Variants in PARD3B observed in about 807,000 individuals in gnomAD.
The protein encoded by PARD3B is partitioning defective 3 homolog B.
Under a neutral mutation model 130.2 loss-of-function variants are expected in PARD3B, and 103 were observed. The observed-to-expected ratio is 0.79, with a 90% CI of 0.67 to 0.93. PARD3B has a LOEUF of 0.93. PARD3B is among the 40% of genes least tolerant of loss of function. The pLI, the probability that PARD3B is intolerant of heterozygous loss-of-function variation, is 0.00. For synonymous variants in PARD3B, 583 were observed against 553.2 expected, an observed-to-expected ratio of 1.05 and a Z score of -0.76; for missense variants, 1,609 against 1,499.2, an observed-to-expected ratio of 1.07 and a Z score of -1.21.
At chr2:205,389,267 C>T (rs1375635454) in intron 18 of PARD3B, among the ~76,000 whole-genome samples, 1 of 152,144 alleles carries the variant, frequency 6.6e-6, no homozygotes, top group Non-Finnish European at 1.5e-5. Flanking sequence ...CCTTGCCTTA[C>T]AAACTAAGTT....
intron 4 of PARD3B, among the ~76,000 whole-genome samples, chr2:205,077,725 G>GATAT (rs142004646): frequency 1.3e-5 from 2 of 151,214 alleles, no homozygotes; most frequent in African/African-American, 2.4e-5. Context: ...GGACGTCTGG[G>GATAT]ATATATATAT....
At chr2:204,905,824 G>A in intron 2 of PARD3B, among the ~76,000 whole-genome samples, 1 of 152,140 alleles carries the variant, frequency 6.6e-6, no homozygotes, top group Non-Finnish European at 1.5e-5. Flanking sequence ...GGGTTAGTCG[G>A]GGGAAAATGA....
chr2:205,137,660 TG>T (rs1187380397), intron 10 of PARD3B, among the ~76,000 whole-genome samples: 19 of 152,350 alleles, frequency 1.2e-4, no homozygotes, highest in African/African-American at 4.6e-4. Context: ...GACTTATGCA[TG>T]GAGCTGCATT....
intron 2 of PARD3B, among the ~76,000 whole-genome samples, chr2:204,850,741 T>C (rs1051410618): frequency 1.3e-5 from 2 of 152,168 alleles, no homozygotes; most frequent in Non-Finnish European, 2.9e-5. Context: ...TGCTGAAACA[T>C]GTGACTGCCT....
chr2:205,583,396 TGTGTGC>T (rs992525635), intron 22 of PARD3B, among the ~76,000 whole-genome samples: 29 of 71,294 alleles, frequency 4.1e-4, no homozygotes, highest in African/African-American at 1.1e-3. Flanking sequence ...TGTGTGTGTG[TGTGTGC>T]GCGCGCACGC....
chr2:205,252,060 C>CA (rs35497389), intron 16 of PARD3B, among the ~76,000 whole-genome samples: 6 of 151,366 alleles, frequency 4.0e-5, no homozygotes, highest in South Asian at 2.1e-4. Context: ...TCCACATTTG[C>CA]AAAAAAAATT....
chr2:204,732,543 C>T (rs1358977769), intron 2 of PARD3B, among the ~76,000 whole-genome samples: 4 of 145,494 alleles, frequency 2.7e-5, no homozygotes, highest in African/African-American at 7.6e-5. Context: ...CTCGCTCTGT[C>T]GCCCAGGCTG....
intron 15 of PARD3B, among the ~76,000 whole-genome samples, chr2:205,202,154 T>C (rs888921753): frequency 2.0e-5 from 3 of 152,198 alleles, no homozygotes; most frequent in Admixed American, 1.3e-4. Context: ...TTTTAGATGA[T>C]TGCTACATTT....
chr2:205,597,247 G>A (rs1174993732), intron 22 of PARD3B, among the ~76,000 whole-genome samples: 2 of 152,030 alleles, frequency 1.3e-5, no homozygotes, highest in Non-Finnish European at 2.9e-5. Flanking sequence ...TCAATGTTTA[G>A]CTCCCACTTA....
rs2041663671 is a variant in PARD3B at position 205,292,991 on chromosome 2, A to G, written c.2186-7539A>G. Among the ~76,000 whole-genome samples the G allele has an allele frequency of 6.6e-6, 1 of 152,222 alleles. No individual in the cohort carries two copies. The highest frequency in any genetic ancestry group is 1.5e-5 in the Non-Finnish European group (1 of 68,032). ...TATTTATAAAGAAATTGTTATTCAT[A>G]TGAACATGAAACTGAAAAACCTCAC... On this transcript the variant is annotated intron_variant, in intron 16 of 22. Transcript: ENST00000406610. This position sits in a 1 kb window ranked among gnomAD's most constrained non-coding sequence, Gnocchi z 5.3.
At chr2:204,681,887 G>T (rs2036851983) in intron 1 of PARD3B, among the ~76,000 whole-genome samples, 1 of 152,142 alleles carries the variant, frequency 6.6e-6, no homozygotes, top group Admixed American at 6.5e-5. Flanking sequence ...CTAATTTCTG[G>T]TGCTTCAAAC....
chr2:204,558,447 T>C (rs1475201995), intron 1 of PARD3B, among the ~76,000 whole-genome samples: 1 of 152,052 alleles, frequency 6.6e-6, no homozygotes, highest in Non-Finnish European at 1.5e-5. Context: ...TCACAATTGC[T>C]AAAAAGGGAA....
chr2:205,495,365 A>G (rs771741000), intron 20 of PARD3B, among the ~76,000 whole-genome samples: 4 of 152,172 alleles, frequency 2.6e-5, no homozygotes, highest in Non-Finnish European at 5.9e-5. Flanking sequence ...TTGATCACCT[A>G]TATAGGGATA....
At chr2:205,252,439 T>C (rs1472189179) in intron 16 of PARD3B, among the ~76,000 whole-genome samples, 1 of 152,142 alleles carries the variant, frequency 6.6e-6, no homozygotes, top group African/African-American at 2.4e-5. Flanking sequence ...TGCAAAAACC[T>C]CACAGAGGAA....
At chr2:204,640,926 T>C (rs944964543) in intron 1 of PARD3B, among the ~76,000 whole-genome samples, 17 of 148,024 alleles carry the variant, frequency 1.1e-4, no homozygotes, top group South Asian at 6.3e-4. Flanking sequence ...TTACTATATA[T>C]AATGTATATT....
At chr2:205,167,431 C>G (rs912252179) in intron 11 of PARD3B, among the ~76,000 whole-genome samples, 2 of 152,006 alleles carry the variant, frequency 1.3e-5, no homozygotes, top group African/African-American at 4.8e-5. Context: ...TCTAAGAACC[C>G]ATAAAGGCTA....
At chr2:204,680,313 C>T (rs536768236) in intron 1 of PARD3B, among the ~76,000 whole-genome samples, 40 of 151,868 alleles carry the variant, frequency 2.6e-4, no homozygotes, top group African/African-American at 3.9e-4. Flanking sequence ...TTGTATTTTT[C>T]GAAGAATTCG....
At chr2:205,130,108 A>C (rs1406743432) in intron 10 of PARD3B, among the ~76,000 whole-genome samples, 1 of 152,210 alleles carries the variant, frequency 6.6e-6, no homozygotes, top group Non-Finnish European at 1.5e-5. Flanking sequence ...TTTCAAAGAT[A>C]ATCTTTCCAG....
At position 205,301,552 on chromosome 2, in the gene PARD3B, G is replaced by A; in HGVS notation, c.2481G>A (p.Met827Ile). Residue 827 changes from methionine to isoleucine, a missense_variant, in exon 18 of 23, where the codon ATG (methionine) becomes ATA (isoleucine). Met to Ile is a conservative substitution (Grantham distance 10, BLOSUM62 1). Coordinates refer to ENST00000406610, the MANE Select transcript of PARD3B (RefSeq NM_001302769.2). This position sits in a 1 kb window ranked among gnomAD's most constrained non-coding sequence, Gnocchi z 5.2. ...APQGNSELED[M>I]ENKARKVKKT... ...AGGGGAATTCGGAGCTAGAGGACAT[G>A]GAAAATAAAGCCAGGAAAGTCAAAA... is the stretch of plus-strand genomic sequence containing the variant. The A allele has an allele frequency of 1.2e-6, 2 of 1,613,740 alleles. No individual in the cohort carries two copies. Among genetic ancestry groups the A allele is most frequent in the Non-Finnish European group, 1.7e-6 (2 of 1,179,998 alleles).
Sources: allele counts gnomAD v4.1 joint callset (sites outside exome capture counted in the v4.1 genomes callset), GRCh38; gene constraint gnomAD v4.1.1; non-coding constraint Gnocchi (gnomAD v3.1); transcripts MANE v1.5; gene names NCBI Gene and HGNC (gene_info 2026-07-23, HGNC 2026-07-21).